The following CNTN1 variants were observed in gnomAD, a reference collection of about 807,000 sequenced individuals.
The protein encoded by CNTN1 is contactin-1.
CNTN1 carries 38 observed loss-of-function variants against 126.4 expected under a neutral mutation model. The ratio of observed to expected loss-of-function variants is 0.30; its 90% confidence interval spans 0.23 to 0.39. CNTN1 has a LOEUF of 0.39. Among genes scored for constraint, CNTN1 ranks in the 10% least tolerant of loss-of-function variants. The pLI is 1.00. For synonymous variants in CNTN1, 413 were observed against 422.6 expected, an observed-to-expected ratio of 0.98 and a Z score of 0.28; for missense variants, 1,009 against 1,248.4, an observed-to-expected ratio of 0.81 and a Z score of 2.89.
intron 6 of CNTN1, among the ~76,000 whole-genome samples, chr12:40,929,434 C>T (rs958081841): frequency 2.6e-5 from 4 of 151,790 alleles, no homozygotes; most frequent in African/African-American, 9.7e-5. Flanking sequence ...TTAATCATGG[C>T]TTTCGAGTTA....
chr12:40,896,072 A>G (rs942714802), intron 1 of CNTN1: 2 of 152,070 alleles, frequency 1.3e-5, no homozygotes, highest in Non-Finnish European at 2.9e-5. Flanking sequence ...GGCCGCTTCA[A>G]GATTTCTTAA....
chr12:40,828,628 G>A (rs1941700015), intron 1 of CNTN1, among the ~76,000 whole-genome samples: 1 of 152,146 alleles, frequency 6.6e-6, no homozygotes, highest in Non-Finnish European at 1.5e-5. Context: ...GTTTTAGCAC[G>A]GCTGTGGCAT....
chr12:40,934,762 G>T (rs886909681), intron 9 of CNTN1, among the ~76,000 whole-genome samples: 5 of 151,908 alleles, frequency 3.3e-5, no homozygotes, highest in Admixed American at 1.3e-4. Context: ...TCTCTTAATT[G>T]CACTCCAACA....
intron 1 of CNTN1, among the ~76,000 whole-genome samples, chr12:40,862,770 C>G (rs1340752067): frequency 6.6e-6 from 1 of 152,134 alleles, no homozygotes; most frequent in Non-Finnish European, 1.5e-5. Context: ...GGTAAAGACT[C>G]CTTCTTTCAC....
intron 1 of CNTN1, among the ~76,000 whole-genome samples, chr12:40,883,724 C>T (rs1395492495): frequency 6.6e-6 from 1 of 151,570 alleles, no homozygotes; most frequent in East Asian, 1.9e-4. Flanking sequence ...ACTGTGTATC[C>T]AGAGGGAACT....
intron 1 of CNTN1, among the ~76,000 whole-genome samples, chr12:40,703,488 T>G (rs2121122912): frequency 6.6e-6 from 1 of 152,330 alleles, no homozygotes; most frequent in East Asian, 1.9e-4. Context: ...TTCCTCTTAC[T>G]TTGTGTGCCT....
intron 17 of CNTN1, among the ~76,000 whole-genome samples, chr12:40,997,052 C>A (rs916806857): frequency 9.2e-5 from 14 of 152,186 alleles, no homozygotes; most frequent in African/African-American, 3.1e-4. Flanking sequence ...ATGTTAAGAT[C>A]TCAGCGCACA....
chr12:40,971,523 C>A (rs762475885), intron 15 of CNTN1: 2 of 1,594,408 alleles, frequency 1.3e-6, no homozygotes, highest in East Asian at 4.5e-5. Flanking sequence ...ATCGTTGACA[C>A]TCACCATTTC....
intron 1 of CNTN1, among the ~76,000 whole-genome samples, chr12:40,887,756 A>C (rs1285200112): frequency 6.6e-6 from 1 of 152,086 alleles, no homozygotes; most frequent in Non-Finnish European, 1.5e-5. Flanking sequence ...AAAGACTTGG[A>C]ACCAACCCAA....
chr12:40,887,204 G>C (rs1944069078), intron 1 of CNTN1, among the ~76,000 whole-genome samples: 1 of 151,992 alleles, frequency 6.6e-6, no homozygotes, highest in Non-Finnish European at 1.5e-5. Flanking sequence ...CCATGAGCAT[G>C]GAATGTTCTT....
chr12:40,902,757 A>G (rs1409675942), intron 1 of CNTN1, among the ~76,000 whole-genome samples: 1 of 152,216 alleles, frequency 6.6e-6, no homozygotes, highest in African/African-American at 2.4e-5. Flanking sequence ...ATTCTTTGTA[A>G]ATAATAGTTG....
intron 1 of CNTN1, among the ~76,000 whole-genome samples, chr12:40,800,231 A>G (rs1940594551): frequency 6.6e-6 from 1 of 151,860 alleles, no homozygotes; most frequent in African/African-American, 2.4e-5. Context: ...TCTGCTTGCA[A>G]TCACTCCATC....
intron 1 of CNTN1, among the ~76,000 whole-genome samples, chr12:40,891,163 T>C (rs1304139369): frequency 1.3e-5 from 2 of 152,200 alleles, no homozygotes; most frequent in Non-Finnish European, 2.9e-5. Context: ...TTGTTTATCT[T>C]CTTTGGTGAG....
intron 1 of CNTN1, among the ~76,000 whole-genome samples, chr12:40,763,898 G>T (rs1019388311): frequency 6.6e-6 from 1 of 152,210 alleles, no homozygotes; most frequent in East Asian, 1.9e-4. Flanking sequence ...CTAGGCCTGG[G>T]ATCTCTCAGA....
At chr12:40,993,347 T>C in intron 17 of CNTN1, 78 bp downstream of exon 17, 2 of 1,213,738 alleles carry the variant, frequency 1.6e-6, no homozygotes, top group Admixed American at 3.8e-5. Flanking sequence ...TGAATGTATT[T>C]GAAAATAATG....
intron 1 of CNTN1, among the ~76,000 whole-genome samples, chr12:40,841,214 A>C (rs1208686823): frequency 6.6e-6 from 1 of 152,044 alleles, no homozygotes; most frequent in Admixed American, 6.6e-5. Flanking sequence ...AGAAACATAC[A>C]ACCTACCAAG....
chr12:40,849,297 G>T (rs1942633062), intron 1 of CNTN1, among the ~76,000 whole-genome samples: 1 of 152,022 alleles, frequency 6.6e-6, no homozygotes, highest in Non-Finnish European at 1.5e-5. Flanking sequence ...GCAACAACAA[G>T]AAAACCTACA....
intron 23 of CNTN1, among the ~76,000 whole-genome samples, chr12:41,035,241 T>C (rs1949230342): frequency 6.6e-6 from 1 of 152,212 alleles, no homozygotes; most frequent in South Asian, 2.1e-4. Context: ...GGAAAGGAAA[T>C]TTTAAAATAA....
chr12:40,930,065 T>A, intron 7 of CNTN1, 63 bp downstream of exon 7: 1 of 1,263,476 alleles, frequency 7.9e-7, no homozygotes, highest in Non-Finnish European at 1.2e-6. Context: ...ATACTTACCG[T>A]AATGAAAAGA....
Sources: allele counts gnomAD v4.1 joint callset (sites outside exome capture counted in the v4.1 genomes callset), GRCh38; gene constraint gnomAD v4.1.1; transcripts MANE v1.5; gene names NCBI Gene and HGNC (gene_info 2026-07-23, HGNC 2026-07-21).